The following SCTR variants were observed in gnomAD, a reference collection of about 807,000 sequenced individuals.
SCTR encodes pancreatic secretin receptor.
Under a neutral mutation model 60.8 loss-of-function variants are expected in SCTR, and 56 were observed. The observed-to-expected ratio is 0.92, with a 90% confidence interval of 0.74 to 1.15. SCTR has a LOEUF of 1.15. Ranked by LOEUF, SCTR falls within the 50% of genes most tolerant of loss-of-function variation. The pLI, the probability that SCTR is intolerant of heterozygous loss-of-function variation, is 0.00. For missense variants in SCTR, 562 were observed against 550.4 expected, an observed-to-expected ratio of 1.02 and a Z score of -0.21; for synonymous variants, 202 against 217.0, an observed-to-expected ratio of 0.93 and a Z score of 0.61.
chr2:119,461,711 CAAAA>C (rs539293803), intron 7 of SCTR, 132 bp downstream of exon 7: 5,645 of 291,804 alleles, frequency 0.019, no homozygotes, highest in South Asian at 0.033. Flanking sequence ...AACTCCAACT[CAAAA>C]AAAAAAAAAA....
At chr2:119,480,450 T>G (rs895503776) in intron 2 of SCTR, among the ~76,000 whole-genome samples, 1 of 152,168 alleles carries the variant, frequency 6.6e-6, no homozygotes, top group African/African-American at 2.4e-5. Context: ...ACAATTCTAT[T>G]ACCTTCCACC....
intron 2 of SCTR, among the ~76,000 whole-genome samples, chr2:119,480,460 CA>C (rs1677549835): frequency 1.3e-5 from 2 of 152,168 alleles, no homozygotes; most frequent in Non-Finnish European, 2.9e-5. Flanking sequence ...TACCTTCCAC[CA>C]GGTCCCTCCC....
At chr2:119,476,541 C>G (rs1017494806) in intron 3 of SCTR, 1 of 152,002 alleles carries the variant, frequency 6.6e-6, no homozygotes, top group Non-Finnish European at 1.5e-5. Context: ...AGGGGAGCCT[C>G]AAGAGGGAGA....
chr2:119,511,097 G>C (rs1026893666), intron 1 of SCTR, among the ~76,000 whole-genome samples: 27 of 152,098 alleles, frequency 1.8e-4, no homozygotes, highest in Admixed American at 3.9e-4. Flanking sequence ...TGGCTACTTG[G>C]GAGGCTGAGG....
At chr2:119,507,684 T>TC (rs1558879781) in intron 1 of SCTR, among the ~76,000 whole-genome samples, 1 of 144,682 alleles carries the variant, frequency 6.9e-6, no homozygotes, top group African/African-American at 2.6e-5. Flanking sequence ...TTTTTTCTTT[T>TC]TTTTTTTTTG....
intron 3 of SCTR, among the ~76,000 whole-genome samples, chr2:119,478,222 T>G (rs72833302): frequency 0.019 from 2,829 of 152,166 alleles, 33 homozygotes; most frequent in South Asian, 0.053. Context: ...CTGCAGGGGG[T>G]TTATGATGAA....
At chr2:119,486,297 C>A (rs1168629356) in intron 2 of SCTR, 1 of 151,770 alleles carries the variant, frequency 6.6e-6, no homozygotes, top group Non-Finnish European at 1.5e-5. Context: ...GATGAAGAAC[C>A]CTTCCAGCCC....
intron 1 of SCTR, among the ~76,000 whole-genome samples, chr2:119,513,342 G>A (rs1156336387): frequency 6.6e-6 from 1 of 152,114 alleles, no homozygotes; most frequent in African/African-American, 2.4e-5. Flanking sequence ...TGTTTCCAGA[G>A]ACAGAGCAGA....
intron 7 of SCTR, among the ~76,000 whole-genome samples, chr2:119,456,210 A>G (rs1683372029): frequency 6.6e-6 from 1 of 151,612 alleles, no homozygotes; most frequent in African/African-American, 2.4e-5. Context: ...ACAGGCACCC[A>G]CCACCACCCC....
chr2:119,512,893 G>A (rs903287787), intron 1 of SCTR, among the ~76,000 whole-genome samples: 4 of 152,150 alleles, frequency 2.6e-5, no homozygotes, highest in African/African-American at 9.7e-5. Context: ...TACGTCTTAA[G>A]TTTGTCTCCT....
chr2:119,441,163 G>A (rs961030403), intron 12 of SCTR, among the ~76,000 whole-genome samples: 2 of 152,194 alleles, frequency 1.3e-5, no homozygotes, highest in Admixed American at 6.5e-5. Flanking sequence ...CCAGAACAGG[G>A]CAGTGACTGA....
chr2:119,493,607 T>G (rs1678220547), intron 2 of SCTR, among the ~76,000 whole-genome samples: 1 of 151,802 alleles, frequency 6.6e-6, no homozygotes. Context: ...ATCATTATAA[T>G]CCTGAAGAAG....
intron 1 of SCTR, among the ~76,000 whole-genome samples, chr2:119,504,702 T>A (rs908569420): frequency 1.3e-5 from 2 of 152,110 alleles, no homozygotes; most frequent in African/African-American, 2.4e-5. Context: ...ATGATCCATA[T>A]AAGAAAAGAT....
chr2:119,459,918 C>T (rs1683533667), intron 7 of SCTR, among the ~76,000 whole-genome samples: 1 of 152,100 alleles, frequency 6.6e-6, no homozygotes, highest in African/African-American at 2.4e-5. Context: ...GAACTGGGCT[C>T]AGTGAGTTGG....
intron 11 of SCTR, among the ~76,000 whole-genome samples, chr2:119,445,180 C>T (rs997445528): frequency 2.6e-5 from 4 of 151,972 alleles, no homozygotes; most frequent in Admixed American, 6.6e-5. Context: ...CAGGCAGACC[C>T]GGGTCCAAGC....
rs775044005 is a variant in SCTR, at chr2:119,440,109, C to T, written c.*8G>A. On this transcript the variant is annotated 3_prime_UTR_variant, in exon 13 of 13. Transcript: ENST00000019103. ...GTCTCTGTCCGTGGGTGACCCTGCT[C>T]CAGCCTCTCAGATGATGCTGGTCCT... 6 of 1,612,706 alleles carry T rather than the reference C, an allele frequency of 3.7e-6. No individual in the cohort carries two copies. Among genetic ancestry groups the T allele is most frequent in the Non-Finnish European group, 5.1e-6 (6 of 1,179,466 alleles).
chr2:119,490,181 C>T (rs1300656303), intron 2 of SCTR, among the ~76,000 whole-genome samples: 2 of 152,196 alleles, frequency 1.3e-5, no homozygotes, highest in Non-Finnish European at 2.9e-5. Context: ...CAAGTGCAGT[C>T]GGAGCCAGAG....
intron 11 of SCTR, among the ~76,000 whole-genome samples, chr2:119,444,314 CACATATATACGTATGAATATATAT>C (rs1682793922): frequency 1.1e-4 from 10 of 91,290 alleles, no homozygotes; most frequent in African/African-American, 3.4e-4. Context: ...TGAATATATA[CACATATATACGTATGAATATATAT>C]ACACATATAT....
intron 1 of SCTR, among the ~76,000 whole-genome samples, chr2:119,523,936 C>T (rs1460108464): frequency 6.6e-6 from 1 of 152,154 alleles, no homozygotes; most frequent in Non-Finnish European, 1.5e-5. Context: ...CATCTTAGAG[C>T]CGCCTTCGTC....
Sources: gnomAD v4.1 joint callset for allele counts (sites outside exome capture counted in the v4.1 genomes callset) on GRCh38, gnomAD v4.1.1 for gene constraint, MANE v1.5 for transcripts, NCBI Gene and HGNC (gene_info 2026-07-23, HGNC 2026-07-21) for gene names.